The following PDE3A variants were observed in gnomAD, a reference collection of about 807,000 sequenced individuals.
PDE3A encodes cGMP-inhibited 3',5'-cyclic phosphodiesterase 3A.
A neutral mutation model predicts 98.3 loss-of-function variants in PDE3A; 43 were observed. The observed-to-expected ratio is 0.44, with a 90% CI of 0.34 to 0.56. The LOEUF (loss-of-function observed/expected upper bound fraction) is 0.56. PDE3A is among the 20% of genes least tolerant of loss of function. PDE3A has a pLI of 0.01. For synonymous variants in PDE3A, 663 were observed against 567.9 expected (o/e 1.17, Z -2.38); for missense variants, 1,427 against 1,440.7 (o/e 0.99, Z 0.15).
In PDE3A at chr12:20,400,608, C is replaced by T. The variant is rs184801274; in HGVS notation, c.960+30364C>T. Among the ~76,000 whole-genome samples the T allele has an allele frequency of 2.6e-5, 4 of 151,794 alleles. No individual in the cohort carries two copies. In the East Asian group the frequency reaches 5.8e-4, roughly 22 times the overall value. The stretch of plus-strand genomic sequence containing the variant: ...TAAGTTTTTGTATTTTTAGTGGAGA[C>T]GAGGTTTCACTGTGTTAGCCAAGAT... On this transcript the variant is annotated intron_variant, in intron 1 of 15. Coordinates refer to ENST00000359062, the MANE Select transcript of PDE3A (RefSeq NM_000921.5).
At chr12:20,653,868 C>T (rs547503808) in intron 14 of PDE3A, 79 bp from the exon 15 acceptor site, 22 of 1,438,184 alleles carry the variant, frequency 1.5e-5, no homozygotes, top group Non-Finnish European at 2.1e-5. Flanking sequence ...GAAGTTTGTG[C>T]ATTAATGCCT....
At chr12:20,621,181 C>A in intron 4 of PDE3A, 115 bp from the exon 5 acceptor site, 1 of 651,140 alleles carries the variant, frequency 1.5e-6, no homozygotes, top group East Asian at 2.7e-5. Flanking sequence ...TGAACCAATA[C>A]TCAGATTGGC....
At chr12:20,636,529 C>T (rs1242112856) in intron 8 of PDE3A, among the ~76,000 whole-genome samples, 1 of 152,048 alleles carries the variant, frequency 6.6e-6, no homozygotes, top group Non-Finnish European at 1.5e-5. Context: ...CAGTAGGTCA[C>T]ATGAAATAAA....
chr12:20,679,987 A>C (rs754041380), intron 15 of PDE3A, 43 bp from the exon 16 acceptor site: 1 of 1,479,458 alleles, frequency 6.8e-7, no homozygotes, highest in Non-Finnish European at 9.2e-7. Flanking sequence ...TCAGCACACA[A>C]CTAAGTAGTC....
At chr12:20,560,338 G>T (rs1211817411) in intron 2 of PDE3A, among the ~76,000 whole-genome samples, 1 of 152,196 alleles carries the variant, frequency 6.6e-6, no homozygotes, top group African/African-American at 2.4e-5. Flanking sequence ...ATATGAGTGT[G>T]CATGATCTTA....
rs567878559 is a variant in PDE3A, at chr12:20,657,882, T to A, written c.3184+3677T>A. Among the ~76,000 whole-genome samples, 3 of 152,202 alleles carry A rather than the reference T, an allele frequency of 2.0e-5. No individual in the cohort carries two copies. The South Asian group carries it at 6.2e-4, about 31-fold the overall frequency. The stretch of plus-strand genomic sequence containing the variant: ...TGAGCTTTTGTTAGCTTCTTCCCTA[T>A]GAATGCACTGCCATCAATGTGTATA... On this transcript the variant is annotated intron_variant, in intron 15 of 15. Coordinates refer to ENST00000359062, the MANE Select transcript of PDE3A (RefSeq NM_000921.5).
At chr12:20,451,319 G>T (rs1945060260) in intron 1 of PDE3A, among the ~76,000 whole-genome samples, 1 of 152,010 alleles carries the variant, frequency 6.6e-6, no homozygotes, top group South Asian at 2.1e-4. Context: ...TGTCTACCAG[G>T]CTGGAGTGCA....
intron 1 of PDE3A, among the ~76,000 whole-genome samples, chr12:20,469,145 T>C (rs142118422): frequency 2.6e-5 from 4 of 152,192 alleles, no homozygotes; most frequent in Admixed American, 6.5e-5. Context: ...ATTATTATTT[T>C]ATATGATTTT....
chr12:20,602,659 A>G (rs1483059346), intron 2 of PDE3A, among the ~76,000 whole-genome samples: 1 of 152,184 alleles, frequency 6.6e-6, no homozygotes, highest in Non-Finnish European at 1.5e-5. Context: ...AGTTTGATGA[A>G]GGGCCCTATA....
At chr12:20,522,882 G>A (rs994008677) in intron 1 of PDE3A, among the ~76,000 whole-genome samples, 5 of 152,124 alleles carry the variant, frequency 3.3e-5, no homozygotes, top group Admixed American at 3.3e-4. Context: ...AAGCTCATTA[G>A]CCATGTGTGA....
intron 1 of PDE3A, among the ~76,000 whole-genome samples, chr12:20,537,226 G>A (rs562032926): frequency 6.6e-6 from 1 of 152,046 alleles, no homozygotes; most frequent in Non-Finnish European, 1.5e-5. Context: ...ATTTAATCCT[G>A]TGCCCATTTT....
In PDE3A at chr12:20,552,646, C is replaced by T; in HGVS notation, c.961-4014C>T. Reference sequence around the variant, plus strand: ...GACATCCAAGAAAACCAAGGTGGAGCCCTACAGTCTCACGGCCCAGCAGAG... The same window carrying T: ...GACATCCAAGAAAACCAAGGTGGAGTCCTACAGTCTCACGGCCCAGCAGAG... On this transcript the variant is annotated intron_variant, in intron 1 of 15. Coordinates refer to ENST00000359062, the MANE Select transcript of PDE3A (RefSeq NM_000921.5). The surrounding 1 kb of genome is among the most constrained non-coding windows in gnomAD (Gnocchi z 5.1). The T allele has an allele frequency of 1.2e-6, 2 of 1,613,888 alleles. No homozygotes were observed. Among genetic ancestry groups the T allele is most frequent in the East Asian group, 2.2e-5 (1 of 44,862 alleles).
chr12:20,552,921 C>T lies in PDE3A; in HGVS notation c.961-3739C>T, dbSNP rs1044277779. 2.1e-5 allele frequency: 33 copies of T among 1,581,412 alleles called. 1 individual carries two copies. In the South Asian group the frequency reaches 3.6e-4, roughly 17 times the overall value. On this transcript the variant is annotated intron_variant, in intron 1 of 15. Transcript: ENST00000359062. The surrounding 1 kb of genome is among the most constrained non-coding windows in gnomAD (Gnocchi z 5.1). ...TGTTCAGCTGCCCTGCCTGCCGCTA[C>T]GACCTGGGCCGCAGCTATGCCATGC...
intron 2 of PDE3A, among the ~76,000 whole-genome samples, chr12:20,560,717 G>A (rs1942493715): frequency 6.6e-6 from 1 of 152,182 alleles, no homozygotes; most frequent in Non-Finnish European, 1.5e-5. Context: ...AAGAATTAGT[G>A]TGGAAAAGAA....
intron 1 of PDE3A, among the ~76,000 whole-genome samples, chr12:20,435,047 A>G (rs1190647558): frequency 6.6e-6 from 1 of 152,126 alleles, no homozygotes; most frequent in East Asian, 1.9e-4. Flanking sequence ...TTTGATTTTA[A>G]AATATGTATG....
At chr12:20,652,692 G>A (rs1400204916) in intron 14 of PDE3A, among the ~76,000 whole-genome samples, 2 of 152,034 alleles carry the variant, frequency 1.3e-5, no homozygotes, top group Admixed American at 6.6e-5. Flanking sequence ...TGAGTAGGTT[G>A]CAAAAATTTT....
chr12:20,390,335 A>C (rs1230444164), intron 1 of PDE3A, among the ~76,000 whole-genome samples: 1 of 151,820 alleles, frequency 6.6e-6, no homozygotes, highest in East Asian at 1.9e-4. Context: ...TTATTCTAGC[A>C]GTGGATTAGG....
chr12:20,590,418 T>C (rs915899758), intron 2 of PDE3A, among the ~76,000 whole-genome samples: 1 of 148,680 alleles, frequency 6.7e-6, no homozygotes, highest in Non-Finnish European at 1.5e-5. Context: ...TGGCATGTGG[T>C]CAGTTTCAAG....
chr12:20,605,294 A>T (rs1943684826), intron 2 of PDE3A, among the ~76,000 whole-genome samples: 1 of 152,146 alleles, frequency 6.6e-6, no homozygotes, highest in Non-Finnish European at 1.5e-5. Context: ...ATTCCTTGTG[A>T]TCTACTCAGT....
Sources: allele counts gnomAD v4.1 joint callset (sites outside exome capture counted in the v4.1 genomes callset), GRCh38; gene constraint gnomAD v4.1.1; non-coding constraint Gnocchi (gnomAD v3.1); transcripts MANE v1.5; gene names NCBI Gene and HGNC (gene_info 2026-07-23, HGNC 2026-07-21).